NPAS3: variants seen among roughly 807,000 people sequenced by gnomAD.
The protein encoded by NPAS3 is neuronal PAS domain protein 3, also known as neuronal PAS domain-containing protein 3.
In NPAS3, 14 loss-of-function variants were observed where a neutral mutation model predicts 73.1. The observed-to-expected ratio is 0.19, with a 90% CI of 0.13 to 0.30. The LOEUF (loss-of-function observed/expected upper bound fraction) is 0.30, where lower values mean the gene tolerates loss of function less well. Among genes scored for constraint, NPAS3 ranks in the 10% least tolerant of loss-of-function variants. The probability of loss-of-function intolerance (pLI) is 1.00; values close to 1 mark genes in which losing one functional copy is unlikely to be tolerated. For synonymous variants in NPAS3, 620 were observed against 541.5 expected (o/e 1.14, Z -2.01); for missense variants, 1,096 against 1,250.0 (o/e 0.88, Z 1.86).
intron 2 of NPAS3, among the ~76,000 whole-genome samples, chr14:33,206,059 G>A (rs977231716): frequency 2.0e-5 from 3 of 151,888 alleles, no homozygotes; most frequent in African/African-American, 7.3e-5. Flanking sequence ...GGGTTTTATT[G>A]GATATTTCAT....
intron 4 of NPAS3, among the ~76,000 whole-genome samples, chr14:33,428,916 C>T (rs537555372): frequency 1.1e-4 from 16 of 152,148 alleles, no homozygotes; most frequent in South Asian, 4.2e-4. Context: ...ATCCATAGAT[C>T]GCCTTTTCAC....
intron 4 of NPAS3, among the ~76,000 whole-genome samples, chr14:33,455,509 T>C (rs1489422440): frequency 1.3e-5 from 2 of 152,184 alleles, no homozygotes; most frequent in African/African-American, 4.8e-5. Flanking sequence ...AAGAAAACCA[T>C]GTGCTGTATG....
At chr14:33,696,253 T>C (rs888071183) in intron 6 of NPAS3, among the ~76,000 whole-genome samples, 2 of 152,204 alleles carry the variant, frequency 1.3e-5, no homozygotes, top group African/African-American at 4.8e-5. Context: ...TGAAATCCTT[T>C]AATGAGACAA....
At chr14:33,293,192 G>A (rs1268803341) in intron 3 of NPAS3, among the ~76,000 whole-genome samples, 1 of 152,068 alleles carries the variant, frequency 6.6e-6, no homozygotes, top group Non-Finnish European at 1.5e-5. Flanking sequence ...ATAGTTTAAT[G>A]ATGAAAAATC....
intron 9 of NPAS3, among the ~76,000 whole-genome samples, chr14:33,784,745 A>ATTTTT (rs1226491375): frequency 4.7e-4 from 35 of 73,840 alleles, no homozygotes; most frequent in East Asian, 2.3e-3. Context: ...TTATTTATTT[A>ATTTTT]TTTTTTTTTT....
intron 4 of NPAS3, among the ~76,000 whole-genome samples, chr14:33,554,144 A>G (rs2055246241): frequency 6.6e-6 from 1 of 152,236 alleles, no homozygotes. Context: ...CTTCTTCCCA[A>G]GGCTAACCCA....
chr14:32,955,574 G>A (rs558876800), intron 1 of NPAS3, among the ~76,000 whole-genome samples: 137 of 152,236 alleles, frequency 9.0e-4, no homozygotes, highest in African/African-American at 3.1e-3. Context: ...AATGATGGAT[G>A]ATGAAGAAAT....
At chr14:32,936,945 T>C (rs1264506202), upstream of NPAS3, among the ~76,000 whole-genome samples, 1 of 151,816 alleles carries the variant, frequency 6.6e-6, no homozygotes, top group Non-Finnish European at 1.5e-5. Context: ...TTTTTTTTTT[T>C]TCTAGCATCT....
chr14:33,371,274 AG>A (rs748305652), intron 4 of NPAS3, among the ~76,000 whole-genome samples: 7 of 152,172 alleles, frequency 4.6e-5, no homozygotes, highest in Non-Finnish European at 8.8e-5. Flanking sequence ...CGCTGTGCGG[AG>A]TAAGTGTAGA....
chr14:33,412,620 C>T (rs912289062), intron 4 of NPAS3, among the ~76,000 whole-genome samples: 3 of 152,090 alleles, frequency 2.0e-5, no homozygotes, highest in Admixed American at 6.6e-5. Flanking sequence ...GTGACTAAGG[C>T]TTAGTGTCTA....
chr14:33,131,408 C>G (rs904617573), intron 2 of NPAS3, among the ~76,000 whole-genome samples: 1 of 152,180 alleles, frequency 6.6e-6, no homozygotes, highest in African/African-American at 2.4e-5. Context: ...GAGTTACACC[C>G]AGCCATGTGT....
chr14:33,737,664 T>A (rs1415400361), intron 7 of NPAS3, among the ~76,000 whole-genome samples: 1 of 152,118 alleles, frequency 6.6e-6, no homozygotes. Context: ...ACTTCCCTCA[T>A]TAATTAACTT....
intron 2 of NPAS3, among the ~76,000 whole-genome samples, chr14:33,116,365 C>A (rs1482255880): frequency 6.6e-6 from 1 of 152,092 alleles, no homozygotes; most frequent in Non-Finnish European, 1.5e-5. Context: ...TTCCCAAGAA[C>A]TTCAGGATGA....
intron 3 of NPAS3, among the ~76,000 whole-genome samples, chr14:33,341,531 GA>G (rs2044480609): frequency 6.6e-6 from 1 of 152,130 alleles, no homozygotes. Context: ...CAGAGAGGGA[GA>G]GGGAGAGGGA....
chr14:33,275,091 G>A (rs1324476548), intron 3 of NPAS3, among the ~76,000 whole-genome samples: 1 of 152,038 alleles, frequency 6.6e-6, no homozygotes, highest in East Asian at 1.9e-4. Context: ...AAGATCCAAG[G>A]GTAAGAGAGA....
At chr14:33,582,975 T>TTTTTTTTTTG (rs1317252000) in intron 5 of NPAS3, among the ~76,000 whole-genome samples, 1 of 146,222 alleles carries the variant, frequency 6.8e-6, no homozygotes, top group Non-Finnish European at 1.5e-5. Context: ...AAAGGGTTTT[T>TTTTTTTTTTG]TTTTTTTTTT....
chr14:33,450,086 A>G (rs962203691), intron 4 of NPAS3, among the ~76,000 whole-genome samples: 1 of 152,230 alleles, frequency 6.6e-6, no homozygotes, highest in Admixed American at 6.5e-5. Context: ...CTCACCCATT[A>G]AAAGTATTAC....
intron 6 of NPAS3, among the ~76,000 whole-genome samples, chr14:33,692,137 C>T (rs747421265): frequency 5.9e-5 from 9 of 152,056 alleles, no homozygotes; most frequent in Non-Finnish European, 1.0e-4. Context: ...AATGCGTGGG[C>T]GGAGGTATGT....
chr14:33,119,461 G>A (rs2043164578), intron 2 of NPAS3, among the ~76,000 whole-genome samples: 2 of 152,082 alleles, frequency 1.3e-5, no homozygotes, highest in African/African-American at 4.8e-5. Flanking sequence ...ACAATCAAGG[G>A]ACATGTAAGT....
Sources: gnomAD v4.1 joint callset for allele counts (sites outside exome capture counted in the v4.1 genomes callset) on GRCh38, gnomAD v4.1.1 for gene constraint, MANE v1.5 for transcripts, NCBI Gene and HGNC (gene_info 2026-07-23, HGNC 2026-07-21) for gene names.